The following ZNF43 variants were observed in gnomAD, a reference collection of about 807,000 sequenced individuals.
The protein encoded by ZNF43 is zinc finger protein 39-like 1 (KOX 27).
ZNF43 carries 44 observed loss-of-function variants against 68.4 expected under a neutral mutation model. The ratio of observed to expected loss-of-function variants is 0.64; its 90% confidence interval spans 0.51 to 0.83. The LOEUF (loss-of-function observed/expected upper bound fraction) is 0.83, where lower values mean the gene tolerates loss of function less well. Among genes scored for constraint, ZNF43 ranks in the 40% least tolerant of loss-of-function variants. ZNF43 has a pLI of 0.00. For synonymous variants in ZNF43, 308 were observed against 307.8 expected (o/e 1.00, Z -0.01); for missense variants, 896 against 933.2 (o/e 0.96, Z 0.52).
In ZNF43 at chr19:21,836,092, C is replaced by A; in HGVS notation, c.-54G>T. ...TTAGCTGTGGATCCCCCAATACCCG[C>A]AGGTCACAGAGCCACAGAGGCTGGA... On this transcript the variant is annotated 5_prime_UTR_variant, in exon 1 of 4. Coordinates refer to ENST00000354959, the MANE Select transcript of ZNF43 (RefSeq NM_003423.4). 6.2e-7 allele frequency: 1 copy of A among 1,612,820 alleles called. No homozygotes were observed. Among genetic ancestry groups the A allele is most frequent in the Non-Finnish European group, 8.5e-7 (1 of 1,179,104 alleles).
Position 21,817,801 on chromosome 19 carries a change from C to T in ZNF43, c.229+87G>A. The T allele has an allele frequency of 2.2e-6, 3 of 1,372,236 alleles. No homozygotes were observed. In the Admixed American group the frequency reaches 6.1e-5, roughly 28 times the overall value. The allele number at this position is 1,372,236 out of a possible 1,614,324, so 85.0% of individuals were successfully genotyped here. On this transcript the variant is annotated intron_variant, in intron 3 of 3. Transcript: ENST00000354959. ...AACTCTTTCCTTTGGAACACAGCTT[C>T]CCAAGTCACATTTTAAGGACTGGCT...
chr19:21,827,446 C>A lies in ZNF43; in HGVS notation c.4-8225G>T, dbSNP rs546474589. On this transcript the variant is annotated intron_variant, in intron 1 of 3. Coordinates refer to ENST00000354959, the MANE Select transcript of ZNF43 (RefSeq NM_003423.4). Reference sequence around the variant, plus strand: ...GTGCGATCTTGGCTCACTGCAACCTCCGCCTCCCAGGTTTAAGTGATTCTC... The same window carrying A: ...GTGCGATCTTGGCTCACTGCAACCTACGCCTCCCAGGTTTAAGTGATTCTC... Among the ~76,000 whole-genome samples, 27 of 151,960 alleles carry A rather than the reference C, an allele frequency of 1.8e-4. No individual in the cohort carries two copies. The South Asian group carries it at 4.0e-3, about 22-fold the overall frequency.
chr19:21,834,615 C>T (rs1272325233), intron 1 of ZNF43, among the ~76,000 whole-genome samples: 1 of 151,614 alleles, frequency 6.6e-6, no homozygotes, highest in Non-Finnish European at 1.5e-5. Context: ...AAAAATTAAC[C>T]AGGCACGGTG....
At chr19:21,822,691 G>C (rs187753767) in intron 1 of ZNF43, among the ~76,000 whole-genome samples, 166 of 152,106 alleles carry the variant, frequency 1.1e-3, no homozygotes, top group African/African-American at 3.9e-3. Flanking sequence ...TGTAGTCCCA[G>C]CTACTGGGGA....
chr19:21,844,098 T>A (rs933048279), intron 1 of ZNF43, among the ~76,000 whole-genome samples: 3 of 151,998 alleles, frequency 2.0e-5, no homozygotes, highest in Non-Finnish European at 4.4e-5. Context: ...TGTGATTGTA[T>A]AAAACCATGA....
intron 1 of ZNF43, among the ~76,000 whole-genome samples, chr19:21,826,740 G>A (rs1322474786): frequency 1.3e-5 from 2 of 151,794 alleles, no homozygotes; most frequent in African/African-American, 2.4e-5. Flanking sequence ...GGAGGCTGAG[G>A]CAGGGGAATC....
At chr19:21,847,414 TG>T (rs1178692671) in intron 1 of ZNF43, among the ~76,000 whole-genome samples, 1 of 152,152 alleles carries the variant, frequency 6.6e-6, no homozygotes, top group Non-Finnish European at 1.5e-5. Context: ...GTAACATTAC[TG>T]GTCAGGCGCG....
At position 21,809,323 on chromosome 19, in the gene ZNF43, G is replaced by A; in HGVS notation, c.714C>T (p.Val238=). The change falls in exon 4 of 4, where the codon GTC becomes GTT. Residue 238 remains valine, a synonymous_variant. Coordinates refer to ENST00000354959, the MANE Select transcript of ZNF43 (RefSeq NM_003423.4). The part of the protein sequence containing the change: ...KPYTCEECGK[V]FNWSSRLTTH... The stretch of plus-strand genomic sequence containing the variant: ...TAGTAAGGCGTGAGGACCAATTAAA[G>A]ACTTTGCCACATTCTTCACATGTGT... The A allele has an allele frequency of 6.2e-7, 1 of 1,613,246 alleles. No homozygotes were observed.
At chr19:21,843,744 T>C (rs1005229412) in intron 1 of ZNF43, among the ~76,000 whole-genome samples, 2 of 151,834 alleles carry the variant, frequency 1.3e-5, no homozygotes, top group Admixed American at 6.6e-5. Context: ...ATCATGCCAT[T>C]GCACTCCGGC....
chr19:21,822,757 A>G (rs2037919344), intron 1 of ZNF43, among the ~76,000 whole-genome samples: 2 of 152,008 alleles, frequency 1.3e-5, no homozygotes, highest in African/African-American at 4.8e-5. Context: ...GTGAGCCGAG[A>G]TCGCGCCACT....
At chr19:21,829,799 G>A (rs1326675763) in intron 1 of ZNF43, among the ~76,000 whole-genome samples, 1 of 152,124 alleles carries the variant, frequency 6.6e-6, no homozygotes, top group African/African-American at 2.4e-5. Context: ...AATTTCAGTA[G>A]ACATTGGATT....
At chr19:21,818,767 T>C (rs1425306212) in intron 2 of ZNF43, among the ~76,000 whole-genome samples, 1 of 152,144 alleles carries the variant, frequency 6.6e-6, no homozygotes, top group Non-Finnish European at 1.5e-5. Flanking sequence ...TTTTGTAGGT[T>C]CTTAATTTCA....
intron 1 of ZNF43, among the ~76,000 whole-genome samples, chr19:21,823,059 T>G (rs2037933621): frequency 6.6e-6 from 1 of 152,218 alleles, no homozygotes; most frequent in Non-Finnish European, 1.5e-5. Flanking sequence ...GAAACAGTAC[T>G]ATTTTTTCAA....
chr19:21,846,509 GAT>G (rs889931235), intron 1 of ZNF43, among the ~76,000 whole-genome samples: 3 of 152,162 alleles, frequency 2.0e-5, no homozygotes, highest in Non-Finnish European at 4.4e-5. Context: ...GATGAGCTTA[GAT>G]ATGTGTTAAA....
At chr19:21,838,706 A>G (rs1258313227), upstream of ZNF43, 1 of 152,094 alleles carries the variant, frequency 6.6e-6, no homozygotes, top group Non-Finnish European at 1.5e-5. Flanking sequence ...AGGGTAGAAT[A>G]GCCCATCCTA....
chr19:21,825,974 G>A (rs1426184540), intron 1 of ZNF43, among the ~76,000 whole-genome samples: 2 of 152,134 alleles, frequency 1.3e-5, no homozygotes, highest in African/African-American at 2.4e-5. Context: ...GCTTAAACCC[G>A]AGAGGCAGAG....
chr19:21,810,942 AAAC>A (rs767194225), intron 3 of ZNF43, among the ~76,000 whole-genome samples: 5 of 151,766 alleles, frequency 3.3e-5, no homozygotes, highest in African/African-American at 9.7e-5. Flanking sequence ...TCCTGTCTCA[AAAC>A]AACAACAACA....
At chr19:21,837,415 CTTTTTTTTT>C (rs539940868), upstream of ZNF43, among the ~76,000 whole-genome samples, 33 of 83,984 alleles carry the variant, frequency 3.9e-4, no homozygotes, top group African/African-American at 1.6e-3. Flanking sequence ...CCTACACTTA[CTTTTTTTTT>C]TTTTTTTTTT....
chr19:21,826,705 G>A (rs1216612457), intron 1 of ZNF43, among the ~76,000 whole-genome samples: 1 of 151,982 alleles, frequency 6.6e-6, no homozygotes, highest in Non-Finnish European at 1.5e-5. Flanking sequence ...GTGTGGTGGT[G>A]CATACCTGTA....
Sources: gnomAD v4.1 joint callset for allele counts (sites outside exome capture counted in the v4.1 genomes callset) on GRCh38, gnomAD v4.1.1 for gene constraint, MANE v1.5 for transcripts, NCBI Gene and HGNC (gene_info 2026-07-23, HGNC 2026-07-21) for gene names.